The following DNAAF9 variants were observed in gnomAD, a reference collection of about 807,000 sequenced individuals.
DNAAF9 encodes the protein dynein axonemal assembly factor 9.
In DNAAF9, 90 loss-of-function variants were observed where a neutral mutation model predicts 167.0. The observed-to-expected ratio is 0.54, with a 90% CI of 0.45 to 0.64. The LOEUF is 0.64. DNAAF9 is among the 30% of genes least tolerant of loss of function. DNAAF9 has a pLI of 0.00. For missense variants in DNAAF9, 1,315 were observed against 1,442.2 expected (o/e 0.91, Z 1.43); for synonymous variants, 491 against 508.8 (o/e 0.96, Z 0.47).
At chr20:3,293,201 G>A (rs1260315264) in intron 25 of DNAAF9, among the ~76,000 whole-genome samples, 1 of 140,850 alleles carries the variant, frequency 7.1e-6, no homozygotes, top group African/African-American at 2.7e-5. Context: ...GCTGAGGCAG[G>A]AGAATCCCTT....
At position 3,316,732 on chromosome 20, in the gene DNAAF9, G is replaced by C; in HGVS notation, c.1530C>G (p.Cys510Trp). 6.2e-7 allele frequency: 1 copy of C among 1,612,726 alleles called. No individual in the cohort carries two copies. The highest frequency in any genetic ancestry group is 8.5e-7 in the Non-Finnish European group (1 of 1,178,856). Residue 510 changes from cysteine (C) to tryptophan (W), a missense_variant, in exon 18 of 37, where the codon TGC (cysteine) becomes TGG (tryptophan). Transcript: ENST00000252032. Reference protein sequence around the residue: ...VVLTAAVPRFCSWLVEDNEVK... With the variant: ...VVLTAAVPRFWSWLVEDNEVK... ...GATGAATGACACTAACCAGCCAGGA[G>C]CAGAATCTGGGTACAGCAGCAGTCA...
chr20:3,272,518 G>A (rs1393160214), intron 29 of DNAAF9, among the ~76,000 whole-genome samples: 1 of 151,966 alleles, frequency 6.6e-6, no homozygotes, highest in East Asian at 1.9e-4. Flanking sequence ...CGTGAGCCAC[G>A]GCACCCAGCT....
At chr20:3,379,608 AGTTGCTTTT>A in intron 3 of DNAAF9, among the ~76,000 whole-genome samples, 2 of 152,234 alleles carry the variant, frequency 1.3e-5, no homozygotes, top group Admixed American at 1.3e-4. Context: ...AATAAATAAA[AGTTGCTTTT>A]AGAAGTAAAT....
intron 21 of DNAAF9, among the ~76,000 whole-genome samples, chr20:3,302,447 C>G (rs1000326932): frequency 6.6e-6 from 1 of 152,164 alleles, no homozygotes; most frequent in Non-Finnish European, 1.5e-5. Context: ...AGGCACCCTA[C>G]TGTGCAACAG....
Position 3,270,483 on chromosome 20 carries a change from G to A in DNAAF9, c.2730C>T (p.Ile910=), listed in dbSNP as rs1467669711. ...AGGCTGCAGCAGGATTGGCAGCCCT[G>A]ATGAGGCTCTGCAGCTGAACAAGGA... The part of the protein sequence containing the change: ...HPLLVQLQSL[I]RAANPAAAFI... Residue 910 remains isoleucine, a synonymous_variant, in exon 30 of 37, where the codon ATC becomes ATT. Coordinates refer to ENST00000252032, the MANE Select transcript of DNAAF9 (RefSeq NM_001009984.3). The A allele has an allele frequency of 3.1e-6, 5 of 1,613,020 alleles. No individual in the cohort carries two copies. Among genetic ancestry groups the A allele is most frequent in the African/African-American group, 1.3e-5 (1 of 74,910 alleles).
intron 27 of DNAAF9, among the ~76,000 whole-genome samples, chr20:3,283,511 T>C (rs1265359735): frequency 1.3e-5 from 2 of 152,228 alleles, no homozygotes; most frequent in African/African-American, 2.4e-5. Context: ...TCCCCCTGCC[T>C]GGGCATGTAT....
chr20:3,367,223 C>T (rs947754597), intron 6 of DNAAF9, among the ~76,000 whole-genome samples: 1 of 152,254 alleles, frequency 6.6e-6, no homozygotes, highest in African/African-American at 2.4e-5. Flanking sequence ...TCAGCCTTCA[C>T]ATTAAAGAGA....
chr20:3,331,818 T>G (rs1299807793), intron 11 of DNAAF9, among the ~76,000 whole-genome samples: 1 of 152,116 alleles, frequency 6.6e-6, no homozygotes, highest in Admixed American at 6.5e-5. Context: ...GGACTACAGG[T>G]GTGCACCAGC....
chr20:3,396,119 G>C (rs2083903602), intron 1 of DNAAF9, among the ~76,000 whole-genome samples: 1 of 152,250 alleles, frequency 6.6e-6, no homozygotes. Flanking sequence ...GGCTTCCCCA[G>C]CCACGTGGAA....
intron 16 of DNAAF9, among the ~76,000 whole-genome samples, chr20:3,321,163 C>T (rs956653343): frequency 6.6e-6 from 1 of 152,156 alleles, no homozygotes; most frequent in Non-Finnish European, 1.5e-5. Context: ...TCATGGCAGA[C>T]CCAGGTCCCT....
intron 25 of DNAAF9, among the ~76,000 whole-genome samples, chr20:3,291,851 C>A (rs1379122373): frequency 2.0e-5 from 3 of 152,098 alleles, no homozygotes; most frequent in Non-Finnish European, 4.4e-5. Flanking sequence ...CCCTTTCTAC[C>A]CCTCAGGCAG....
At chr20:3,373,406 C>A (rs867229770) in intron 6 of DNAAF9, among the ~76,000 whole-genome samples, 2 of 152,218 alleles carry the variant, frequency 1.3e-5, no homozygotes, top group South Asian at 2.1e-4. Flanking sequence ...GCTAACCTAT[C>A]AAGCCATTTT....
At chr20:3,361,964 GACA>G (rs2083370690) in intron 6 of DNAAF9, 2 of 1,536,950 alleles carry the variant, frequency 1.3e-6, no homozygotes, top group Admixed American at 3.3e-5. Context: ...ACTCTTGCAG[GACA>G]ACTTTGATGC....
intron 10 of DNAAF9, 102 bp downstream of exon 10, chr20:3,340,402 C>T (rs1454826418): frequency 1.1e-5 from 10 of 938,222 alleles, no homozygotes; most frequent in Admixed American, 7.4e-5. Flanking sequence ...TAAATCAACA[C>T]ACTAACTGGA....
chr20:3,320,800 T>G (rs1374941712), intron 16 of DNAAF9, among the ~76,000 whole-genome samples: 1 of 152,208 alleles, frequency 6.6e-6, no homozygotes, highest in African/African-American at 2.4e-5. Flanking sequence ...GTGATGGGGA[T>G]GCGCTTGTAC....
intron 6 of DNAAF9, among the ~76,000 whole-genome samples, chr20:3,369,674 G>A (rs2083483114): frequency 1.3e-5 from 2 of 152,128 alleles, no homozygotes; most frequent in Admixed American, 1.3e-4. Context: ...ACCAAGCCCG[G>A]CCTAAAGTTA....
chr20:3,270,330 T>C, intron 30 of DNAAF9, 97 bp downstream of exon 30: 1 of 1,176,490 alleles, frequency 8.5e-7, no homozygotes, highest in South Asian at 1.3e-5. Flanking sequence ...TCTCCAAATG[T>C]TTAGGTCTTA....
At chr20:3,340,701 T>A in intron 9 of DNAAF9, 62 bp from the exon 10 acceptor site, 4 of 1,533,194 alleles carry the variant, frequency 2.6e-6, no homozygotes, top group Non-Finnish European at 3.6e-6. Context: ...CAACCTTCCA[T>A]GACCTTAATA....
chr20:3,364,952 T>C (rs1025733128), intron 6 of DNAAF9, among the ~76,000 whole-genome samples: 2 of 151,092 alleles, frequency 1.3e-5, no homozygotes, highest in African/African-American at 4.9e-5. Flanking sequence ...TTTTTCTTTT[T>C]TTTTTTTTTG....
Sources: gnomAD v4.1 joint callset for allele counts (sites outside exome capture counted in the v4.1 genomes callset) on GRCh38, gnomAD v4.1.1 for gene constraint, MANE v1.5 for transcripts, NCBI Gene and HGNC (gene_info 2026-07-23, HGNC 2026-07-21) for gene names.